ISY1: variants seen among roughly 807,000 people sequenced by gnomAD.
ISY1 encodes pre-mRNA-splicing factor ISY1 homolog.
A neutral mutation model predicts 54.4 loss-of-function variants in ISY1; 12 were observed. That is an observed-to-expected ratio of 0.22 (90% CI 0.14 to 0.36). The LOEUF (loss-of-function observed/expected upper bound fraction) is 0.36. ISY1 is among the 10% of genes least tolerant of loss of function. The pLI, the probability that ISY1 is intolerant of heterozygous loss-of-function variation, is 1.00. For missense variants in ISY1, 282 were observed against 342.2 expected (o/e 0.82, Z 1.39); for synonymous variants, 96 against 117.9 (o/e 0.81, Z 1.20).
intron 5 of ISY1, among the ~76,000 whole-genome samples, chr3:129,154,890 G>A (rs566494419): frequency 2.6e-5 from 4 of 151,386 alleles, no homozygotes; most frequent in East Asian, 4.0e-4. Flanking sequence ...GGGTTTCACC[G>A]TGTTAGCCAG....
Position 129,161,055 on chromosome 3 carries a change from A to T in ISY1, c.-80T>A. 2.6e-6 allele frequency: 4 copies of T among 1,538,002 alleles called. No homozygotes were observed. The Admixed American group carries it at 6.3e-5, about 24-fold the overall frequency. ...ACAGGCCCAGAAGACGCCGACGCTC[A>T]CAGGAACTGAAGATTCCAACTACCC... On this transcript the variant is annotated 5_prime_UTR_variant, in exon 1 of 11. Coordinates refer to ENST00000393295, the MANE Select transcript of ISY1 (RefSeq NM_020701.4).
chr3:129,130,723 A>G lies in ISY1; in HGVS notation c.664-87T>C. 5 of 1,388,474 alleles carry G rather than the reference A, an allele frequency of 3.6e-6. No individual in the cohort carries two copies. In the South Asian group the frequency reaches 4.1e-5, roughly 11 times the overall value. 86.0% of individuals were successfully genotyped at this position (1,388,474 alleles called of 1,614,324 possible). A position where few individuals can be genotyped will look rare whatever the true frequency, so the allele number is the denominator to read the frequency against. On this transcript the variant is annotated intron_variant, in intron 9 of 10. Coordinates refer to ENST00000393295, the MANE Select transcript of ISY1 (RefSeq NM_020701.4). ...CTATAAAACACACTACTCTGCAACT[A>G]TTTAAAAGAAAAAAAAACTAAGAAA...
At chr3:129,157,743 C>G (rs554414673) in intron 3 of ISY1, among the ~76,000 whole-genome samples, 1 of 148,894 alleles carries the variant, frequency 6.7e-6, no homozygotes, top group Non-Finnish European at 1.5e-5. Context: ...AAAAAAGGGC[C>G]GGGCCCAGTC....
chr3:129,129,991 G>GC lies in ISY1; in HGVS notation c.*89dup, dbSNP rs1936192753. On this transcript the variant is annotated 3_prime_UTR_variant, in exon 11 of 11. Coordinates refer to ENST00000393295, the MANE Select transcript of ISY1 (RefSeq NM_020701.4). ...AAGGAAGGCTGAGAATGGGGCAGGA[G>GC]CCCTTGCAGCACCAGCCTGTGTCTG... 1.0e-6 allele frequency: 1 copy of GC among 979,412 alleles called. No homozygotes were observed. The highest frequency in any genetic ancestry group is 1.6e-5 in the African/African-American group (1 of 60,766). 60.7% of individuals were successfully genotyped at this position (979,412 alleles called of 1,614,324 possible). A position where few individuals can be genotyped will look rare whatever the true frequency, so the allele number is the denominator to read the frequency against.
At chr3:129,156,541 G>T in intron 5 of ISY1, 92 bp downstream of exon 5, 1 of 1,299,180 alleles carries the variant, frequency 7.7e-7, no homozygotes, top group Non-Finnish European at 1.1e-6. Flanking sequence ...CTATCTACTT[G>T]CTCTATTGAT....
chr3:129,158,393 A>G (rs1390680426), intron 3 of ISY1, 115 bp downstream of exon 3: 54 of 1,435,326 alleles, frequency 3.8e-5, no homozygotes, highest in Non-Finnish European at 5.0e-5. Context: ...TCCTAGACTC[A>G]AGTGATCCAC....
rs113443810 is a variant in ISY1 at position 129,141,193 on chromosome 3, TTAAATAAATAAATAAA to T, written c.301-724_301-709del. Among the ~76,000 whole-genome samples the T allele has an allele frequency of 3.6e-3, 503 of 139,704 alleles. 4 individuals carry two copies. The highest frequency in any genetic ancestry group is 0.012 in the African/African-American group (451 of 37,244). The allele number at this position is 139,704 out of a possible 152,430, so 91.7% of individuals were successfully genotyped here. A position where few individuals can be genotyped will look rare whatever the true frequency, so the allele number is the denominator to read the frequency against. ...GTACTCCAGCCAGGGCTGGAGTAAA[TTAAATAAATAAATAAA>T]TAAATAAATAAATAAATAAATAAAA... On this transcript the variant is annotated intron_variant, in intron 6 of 10. Coordinates refer to ENST00000393295, the MANE Select transcript of ISY1 (RefSeq NM_020701.4).
chr3:129,160,906 G>T lies in ISY1; in HGVS notation c.3+67C>A, dbSNP rs1937289546. On this transcript the variant is annotated intron_variant, in intron 1 of 10. Transcript: ENST00000393295. The stretch of plus-strand genomic sequence containing the variant: ...GAGCCTCTACCGAATGAGCGCCCCA[G>T]GTGGACTGGGCGCCCCCCCGCCCGC... The T allele has an allele frequency of 2.7e-6, 3 of 1,103,852 alleles. No individual in the cohort carries two copies. The Admixed American group carries it at 6.0e-5, about 22-fold the overall frequency. The allele number at this position is 1,103,852 out of a possible 1,614,324, so 68.4% of individuals were successfully genotyped here. A position where few individuals can be genotyped will look rare whatever the true frequency, so the allele number is the denominator to read the frequency against.
At chr3:129,130,425 C>T in intron 10 of ISY1, 125 bp downstream of exon 10, 1 of 1,255,418 alleles carries the variant, frequency 8.0e-7, no homozygotes, top group Non-Finnish European at 1.1e-6. Flanking sequence ...TGACAGGTGT[C>T]ATGTGGTCAG....
rs1467630764 is a variant in ISY1 at position 129,158,488 on chromosome 3, T to C, written c.78+20A>G. 1 of 1,613,256 alleles carries C rather than the reference T, an allele frequency of 6.2e-7. No homozygotes were observed. The highest frequency in any genetic ancestry group is 2.2e-5 in the East Asian group (1 of 44,874). On this transcript the variant is annotated intron_variant, in intron 3 of 10. Transcript: ENST00000393295. ...TTTATTCTTGATACTTTACAATTCA[T>C]GAGGAAGATTTACACCAACCTTCAC... is the stretch of plus-strand genomic sequence containing the variant.
intron 5 of ISY1, among the ~76,000 whole-genome samples, chr3:129,152,400 G>A (rs1346809098): frequency 1.3e-5 from 2 of 151,754 alleles, no homozygotes; most frequent in Middle Eastern, 3.2e-3. Context: ...TTTATACATT[G>A]CTAGGTTTTG....
chr3:129,149,928 T>C (rs1298769832), intron 5 of ISY1, among the ~76,000 whole-genome samples: 3 of 149,104 alleles, frequency 2.0e-5, no homozygotes, highest in Non-Finnish European at 4.4e-5. Flanking sequence ...GAGCTATGAC[T>C]GCACCACTGT....
At chr3:129,140,263 G>T in intron 7 of ISY1, 105 bp downstream of exon 7, 2 of 942,728 alleles carry the variant, frequency 2.1e-6, no homozygotes, top group South Asian at 1.7e-5. Flanking sequence ...ACACTATAAG[G>T]CTGTTATGCA....
Position 129,147,992 on chromosome 3 carries a change from A to G in ISY1, c.188-2119T>C, listed in dbSNP as rs1434115014. ...ATATGTTTTAATTTTATTTACTTTAATTATTATTATTATTTACAGAGATGA... is the reference window on the plus strand; with the variant it reads ...ATATGTTTTAATTTTATTTACTTTAGTTATTATTATTATTTACAGAGATGA... On this transcript the variant is annotated intron_variant, in intron 5 of 10. Transcript: ENST00000393295. 2.0e-5 allele frequency among the ~76,000 whole-genome samples: 3 copies of G among 149,688 alleles called. No homozygotes were observed. In the South Asian group the frequency reaches 6.4e-4, roughly 32 times the overall value.
chr3:129,130,294 G>A (rs1311312498), intron 10 of ISY1, 106 bp from the exon 11 acceptor site: 58 of 1,423,310 alleles, frequency 4.1e-5, no homozygotes, highest in Admixed American at 1.4e-4. Flanking sequence ...CAAGGAGTCT[G>A]ATTTAAATAC....
intron 1 of ISY1, 55 bp downstream of exon 1, chr3:129,160,918 G>GCCCCCCCCCCCC: frequency 1.5e-6 from 1 of 666,128 alleles, no homozygotes; most frequent in Non-Finnish European, 2.7e-6. Flanking sequence ...TGGACTGGGC[G>GCCCCCCCCCCCC]CCCCCCCGCC....
At chr3:129,130,323 G>A in intron 10 of ISY1, 135 bp from the exon 11 acceptor site, 1 of 1,307,402 alleles carries the variant, frequency 7.6e-7, no homozygotes, top group South Asian at 1.6e-5. Flanking sequence ...GTCTCCAAGA[G>A]TCCTAACTCC....
chr3:129,155,370 T>A (rs186764972), intron 5 of ISY1, among the ~76,000 whole-genome samples: 224 of 151,908 alleles, frequency 1.5e-3, no homozygotes, highest in African/African-American at 4.2e-3. Context: ...AATATTTGTA[T>A]TTTTAGTAGA....
chr3:129,158,942 T>C (rs1252889496), intron 2 of ISY1, among the ~76,000 whole-genome samples: 1 of 152,126 alleles, frequency 6.6e-6, no homozygotes, highest in East Asian at 1.9e-4. Flanking sequence ...TCATCCAGTG[T>C]TTAAGTTCTG....
Sources: allele counts gnomAD v4.1 joint callset (sites outside exome capture counted in the v4.1 genomes callset), GRCh38; gene constraint gnomAD v4.1.1; transcripts MANE v1.5; gene names NCBI Gene and HGNC (gene_info 2026-07-23, HGNC 2026-07-21).